The following NFIA variants were observed in gnomAD, a reference collection of about 807,000 sequenced individuals.
The protein encoded by NFIA is nuclear factor 1 A-type.
A neutral mutation model predicts 62.8 loss-of-function variants in NFIA; 8 were observed. That is an observed-to-expected ratio of 0.13 (90% confidence interval 0.07 to 0.23). The LOEUF is 0.23. NFIA is among the 10% of genes least tolerant of loss of function. The pLI, the probability that NFIA is intolerant of heterozygous loss-of-function variation, is 1.00. For missense variants in NFIA, 410 were observed against 642.1 expected (o/e 0.64, Z 3.91); for synonymous variants, 235 against 238.1 (o/e 0.99, Z 0.12).
chr1:61,197,410 T>C (rs1191090434), intron 2 of NFIA, among the ~76,000 whole-genome samples: 1 of 151,450 alleles, frequency 6.6e-6, no homozygotes, highest in African/African-American at 2.4e-5. Context: ...AGCTTATTTT[T>C]CTATTTTTAG....
intron 2 of NFIA, among the ~76,000 whole-genome samples, chr1:61,170,620 C>T (rs1358259886): frequency 2.0e-5 from 3 of 152,080 alleles, no homozygotes; most frequent in Non-Finnish European, 2.9e-5. Flanking sequence ...ACCCCCAGAC[C>T]TTTTTTTGCC....
At chr1:61,426,279 C>T (rs1666862642) in intron 9 of NFIA, among the ~76,000 whole-genome samples, 186 bp from the exon 10 acceptor site, 1 of 152,174 alleles carries the variant, frequency 6.6e-6, no homozygotes, top group Non-Finnish European at 1.5e-5. Context: ...CTTTGGAAGC[C>T]AATCCCTCTT....
At chr1:61,297,210 T>G (rs1659234344) in intron 3 of NFIA, among the ~76,000 whole-genome samples, 1 of 152,248 alleles carries the variant, frequency 6.6e-6, no homozygotes, top group Non-Finnish European at 1.5e-5. Flanking sequence ...CAAGATGTTT[T>G]CATTAGTTAG....
At position 61,200,031 on chromosome 1, in the gene NFIA, T is replaced by TACAC. The variant is rs1557631898; in HGVS notation, c.560-77488_560-77487insCACA. ...ATATGTATATATATATATATATATA[T>TACAC]ATATATATATATATATATATATATA... On this transcript the variant is annotated intron_variant, in intron 2 of 10. Transcript: ENST00000403491. 3.7e-4 allele frequency among the ~76,000 whole-genome samples: 14 copies of TACAC among 37,916 alleles called. 1 individual carries two copies. Among genetic ancestry groups the TACAC allele is most frequent in the African/African-American group, 1.9e-3 (13 of 6,744 alleles). 24.9% of individuals were successfully genotyped at this position (37,916 alleles called of 152,430 possible).
chr1:61,305,879 ACT>A (rs1246517423), intron 3 of NFIA, among the ~76,000 whole-genome samples: 1 of 131,770 alleles, frequency 7.6e-6, no homozygotes, highest in African/African-American at 2.9e-5. Flanking sequence ...ACAGAGTCTC[ACT>A]CTGTCGCCCA....
At chr1:61,452,225 GATT>G (rs1481422658) in intron 10 of NFIA, among the ~76,000 whole-genome samples, 1 of 151,048 alleles carries the variant, frequency 6.6e-6, no homozygotes, top group Admixed American at 6.6e-5. Context: ...TTTACAAACT[GATT>G]AGGAGAAAAT....
intron 3 of NFIA, among the ~76,000 whole-genome samples, chr1:61,298,162 G>A (rs530703768): frequency 2.6e-5 from 4 of 152,088 alleles, no homozygotes; most frequent in South Asian, 2.1e-4. Flanking sequence ...TTTCCCCCAC[G>A]TTGTTCCCAT....
intron 7 of NFIA, among the ~76,000 whole-genome samples, chr1:61,394,729 G>A (rs1400118336): frequency 1.3e-5 from 2 of 152,134 alleles, no homozygotes; most frequent in African/African-American, 4.8e-5. Flanking sequence ...TCCATTCCTT[G>A]TGTGAAATTT....
chr1:61,382,614 T>C (rs1346718722), intron 6 of NFIA, among the ~76,000 whole-genome samples: 1 of 152,210 alleles, frequency 6.6e-6, no homozygotes, highest in Non-Finnish European at 1.5e-5. Context: ...ATTATAAATG[T>C]TTTGCCACAT....
chr1:61,415,820 T>C (rs1246276387), intron 9 of NFIA, among the ~76,000 whole-genome samples: 1 of 152,146 alleles, frequency 6.6e-6, no homozygotes, highest in Non-Finnish European at 1.5e-5. Context: ...TTAGTACATA[T>C]ATAAATTTTA....
At chr1:61,248,642 G>T (rs1363973530) in intron 2 of NFIA, among the ~76,000 whole-genome samples, 1 of 152,174 alleles carries the variant, frequency 6.6e-6, no homozygotes, top group Non-Finnish European at 1.5e-5. Flanking sequence ...ACGTTTCTTT[G>T]TGAAAGATGC....
intron 2 of NFIA, among the ~76,000 whole-genome samples, chr1:61,190,503 C>T (rs1012663678): frequency 2.0e-5 from 3 of 152,210 alleles, no homozygotes; most frequent in South Asian, 2.1e-4. Flanking sequence ...AACAGACACA[C>T]GTCTTATCCC....
At chr1:61,377,338 C>T (rs558963242) in intron 6 of NFIA, among the ~76,000 whole-genome samples, 6 of 152,280 alleles carry the variant, frequency 3.9e-5, no homozygotes, top group Non-Finnish European at 7.4e-5. Context: ...GGTTTTTGGA[C>T]GTGATCGACA....
intron 2 of NFIA, among the ~76,000 whole-genome samples, chr1:61,098,406 G>T (rs1461505546): frequency 6.6e-6 from 1 of 152,134 alleles, no homozygotes; most frequent in African/African-American, 2.4e-5. Flanking sequence ...TTTTTGGATG[G>T]ATGCACACCA....
chr1:61,427,893 T>A (rs1666939040), intron 10 of NFIA, among the ~76,000 whole-genome samples: 1 of 152,206 alleles, frequency 6.6e-6, no homozygotes, highest in Admixed American at 6.5e-5. Flanking sequence ...TCCCATACCT[T>A]CAAATATTCA....
At chr1:61,196,332 AAATT>A (rs1010149619) in intron 2 of NFIA, among the ~76,000 whole-genome samples, 17 of 152,300 alleles carry the variant, frequency 1.1e-4, no homozygotes, top group Admixed American at 1.1e-3. Context: ...CTTACTTAGT[AAATT>A]CCTAGGTCAT....
rs572477041 is a variant in NFIA at position 61,237,954 on chromosome 1, C to T, written c.560-39566C>T. ...TTAGTATTTTCAAATGGCTCAAAGC[C>T]GTCTCTAAATTTAATAGTAAAATGA... On this transcript the variant is annotated intron_variant, in intron 2 of 10. Transcript: ENST00000403491. Among the ~76,000 whole-genome samples, 7 of 152,164 alleles carry T rather than the reference C, an allele frequency of 4.6e-5. No homozygotes were observed. The South Asian group carries it at 8.3e-4, about 18-fold the overall frequency.
chr1:61,323,774 A>G (rs1217004463), intron 3 of NFIA, among the ~76,000 whole-genome samples: 5 of 152,214 alleles, frequency 3.3e-5, no homozygotes, highest in Admixed American at 6.5e-5. Flanking sequence ...CACGCTTTAG[A>G]GGACTACCAA....
At chr1:61,260,189 CT>C (rs1656670294) in intron 2 of NFIA, among the ~76,000 whole-genome samples, 1 of 152,238 alleles carries the variant, frequency 6.6e-6, no homozygotes, top group Admixed American at 6.5e-5. Context: ...CCTCAGTGTC[CT>C]GTTTTGTTCT....
Sources: gnomAD v4.1 joint callset for allele counts (sites outside exome capture counted in the v4.1 genomes callset) on GRCh38, gnomAD v4.1.1 for gene constraint, MANE v1.5 for transcripts, NCBI Gene and HGNC (gene_info 2026-07-23, HGNC 2026-07-21) for gene names.